The following LRRK2 variants were observed in gnomAD, a reference collection of about 807,000 sequenced individuals.
LRRK2 encodes leucine rich repeat kinase 2.
A neutral mutation model predicts 302.6 loss-of-function variants in LRRK2; 203 were observed. That is an observed-to-expected ratio of 0.67 (90% CI 0.60 to 0.75). The LOEUF (loss-of-function observed/expected upper bound fraction) is 0.75. LRRK2 is among the 30% of genes least tolerant of loss of function. The pLI, the probability that LRRK2 is intolerant of heterozygous loss-of-function variation, is 0.00. For missense variants in LRRK2, 2,830 were observed against 2,951.0 expected, an observed-to-expected ratio of 0.96 and a Z score of 0.95; for synonymous variants, 1,066 against 1,031.9, an observed-to-expected ratio of 1.03 and a Z score of -0.63.
intron 14 of LRRK2, among the ~76,000 whole-genome samples, chr12:40,264,240 T>C (rs1339280322): frequency 6.6e-6 from 1 of 152,174 alleles, no homozygotes; most frequent in Non-Finnish European, 1.5e-5. Flanking sequence ...ATGGCTGCTG[T>C]TTTCTCTTTC....
intron 46 of LRRK2, among the ~76,000 whole-genome samples, chr12:40,356,668 C>T (rs899650458): frequency 2.1e-4 from 32 of 152,248 alleles, no homozygotes; most frequent in African/African-American, 7.2e-4. Flanking sequence ...ACTTCCTACC[C>T]GTTCATTCTC....
Position 40,351,521 on chromosome 12 carries a change from A to G in LRRK2, c.6382-18A>G, listed in dbSNP as rs2136992768. On this transcript the variant is annotated intron_variant, in intron 43 of 50. Transcript: ENST00000298910. ...TTAACTCGATAAGTACTGTTTTGTT[A>G]TCTTTAAACTTTCTCAGGTCTTTGA... 1.2e-6 allele frequency: 2 copies of G among 1,612,286 alleles called. No homozygotes were observed. Among genetic ancestry groups the G allele is most frequent in the Non-Finnish European group, 1.7e-6 (2 of 1,178,528 alleles).
intron 16 of LRRK2, among the ~76,000 whole-genome samples, chr12:40,276,436 CA>C (rs1410249321): frequency 6.6e-6 from 1 of 152,112 alleles, no homozygotes; most frequent in Non-Finnish European, 1.5e-5. Context: ...GCTAGGACTA[CA>C]AGTATGCACC....
chr12:40,240,863 C>A (rs1483948567), intron 6 of LRRK2, among the ~76,000 whole-genome samples: 3 of 152,032 alleles, frequency 2.0e-5, no homozygotes, highest in African/African-American at 7.2e-5. Flanking sequence ...GCTTGTAGTA[C>A]AATGGGGGAC....
At chr12:40,284,478 A>T (rs1247916583) in intron 19 of LRRK2, among the ~76,000 whole-genome samples, 2 of 79,036 alleles carry the variant, frequency 2.5e-5, no homozygotes, top group African/African-American at 7.3e-5. Context: ...TTTATCTCTT[A>T]TAAGTAATTA....
chr12:40,341,500 A>G (rs544438900), intron 41 of LRRK2, among the ~76,000 whole-genome samples: 1 of 152,260 alleles, frequency 6.6e-6, no homozygotes, highest in South Asian at 2.1e-4. Context: ...ATTCTCATAA[A>G]CACTTCAAAG....
rs763437561 is a variant in LRRK2 at position 40,295,166 on chromosome 12, C to G, written c.2878+252C>G. 8.6e-5 allele frequency among the ~76,000 whole-genome samples: 13 copies of G among 151,818 alleles called. No homozygotes were observed. In the Middle Eastern group the frequency reaches 0.01, roughly 119 times the overall value. ...AAGTTTTCTGAAATGTAAATAACAC[C>G]TCCACCAAGGCCACTCTTCATCCTC... On this transcript the variant is annotated intron_variant, in intron 22 of 50. Coordinates refer to ENST00000298910, the MANE Select transcript of LRRK2 (RefSeq NM_198578.4).
chr12:40,237,887 T>TA, intron 4 of LRRK2, 82 bp from the exon 5 acceptor site: 1 of 1,449,162 alleles, frequency 6.9e-7, no homozygotes, highest in Non-Finnish European at 9.5e-7. Context: ...AGTCTTCATG[T>TA]AAAAATTAAT....
rs774148061 is a variant in LRRK2 at position 40,278,130 on chromosome 12, A to G, written c.2110A>G (p.Met704Val). 3 of 1,613,964 alleles carry G rather than the reference A, an allele frequency of 1.9e-6. No individual in the cohort carries two copies. The highest frequency in any genetic ancestry group is 1.1e-5 in the South Asian group (1 of 91,094). ...TTGCAAGTGTTTTGCAAAAGTAGCT[A>G]TGGATGATTACTTAAAAAATGTGAT... ...LCCKCFAKVA[M>V]DDYLKNVMLE... Residue 704 changes from methionine to valine, a missense_variant, in exon 18 of 51, where the codon ATG becomes GTG. Transcript: ENST00000298910.
rs201326926 is a variant in LRRK2, at chr12:40,278,112, T to C, written c.2092T>C (p.Cys698Arg). Residue 698 changes from cysteine to arginine, a missense_variant, in exon 18 of 51, where the codon TGT becomes CGT. Coordinates refer to ENST00000298910, the MANE Select transcript of LRRK2 (RefSeq NM_198578.4). ...DQQFLNLCCK[C>R]FAKVAMDDYL... is the part of the protein sequence containing the mutation. The stretch of plus-strand genomic sequence containing the variant: ...TTAGTTTCTAAACCTCTGTTGCAAG[T>C]GTTTTGCAAAAGTAGCTATGGATGA... 1.9e-6 allele frequency: 3 copies of C among 1,613,964 alleles called. No homozygotes were observed. The highest frequency in any genetic ancestry group is 1.3e-5 in the African/African-American group (1 of 74,922).
chr12:40,330,048 A>G (rs1043599119), intron 39 of LRRK2, among the ~76,000 whole-genome samples: 19 of 152,184 alleles, frequency 1.2e-4, no homozygotes, highest in African/African-American at 4.6e-4. Flanking sequence ...AACAGGAGAG[A>G]TGGATTTCTA....
At position 40,295,512 on chromosome 12, in the gene LRRK2, C is replaced by T; in HGVS notation, c.2964C>T (p.Asp988=). The T allele has an allele frequency of 6.2e-7, 1 of 1,613,916 alleles. No homozygotes were observed. The highest frequency in any genetic ancestry group is 8.5e-7 in the Non-Finnish European group (1 of 1,179,956). ...AGAGAGAATATATTACATCACTAGA[C>T]CTTTCAGCAAATGAACTAAGAGATA... ...ASEREYITSL[D]LSANELRDID... Residue 988 remains aspartate, a synonymous_variant, in exon 23 of 51, where the codon GAC becomes GAT. Coordinates refer to ENST00000298910, the MANE Select transcript of LRRK2 (RefSeq NM_198578.4).
Position 40,238,221 on chromosome 12 carries a change from A to T in LRRK2, c.571+118A>T, listed in dbSNP as rs1051493413. ...TCTAAAATCCTACTATTTATTAAGA[A>T]GTGGGAGTTGTCTGTCAAGGGTGAG... On this transcript the variant is annotated intron_variant, in intron 5 of 50. Coordinates refer to ENST00000298910, the MANE Select transcript of LRRK2 (RefSeq NM_198578.4). 3.8e-6 allele frequency: 4 copies of T among 1,048,632 alleles called. No homozygotes were observed. In the African/African-American group the frequency reaches 6.4e-5, roughly 17 times the overall value. 65.0% of individuals were successfully genotyped at this position (1,048,632 alleles called of 1,614,324 possible). A position where few individuals can be genotyped will look rare whatever the true frequency, so the allele number is the denominator to read the frequency against.
intron 18 of LRRK2, among the ~76,000 whole-genome samples, chr12:40,281,307 C>T (rs1299113814): frequency 3.9e-5 from 6 of 152,182 alleles, no homozygotes; most frequent in Admixed American, 2.6e-4. Context: ...TAAGAACAAG[C>T]TCCTGGTAAC....
At chr12:40,304,252 T>A in intron 27 of LRRK2, 118 bp downstream of exon 27, 1 of 928,034 alleles carries the variant, frequency 1.1e-6, no homozygotes, top group Non-Finnish European at 1.6e-6. Context: ...AGCTTCCTGT[T>A]AACTATAAAT....
At chr12:40,235,838 T>C (rs1311162109) in intron 4 of LRRK2, 124 bp downstream of exon 4, 6 of 646,806 alleles carry the variant, frequency 9.3e-6, no homozygotes, top group Non-Finnish European at 1.6e-5. Flanking sequence ...GGTAGCTTGA[T>C]TTAAATGTCC....
chr12:40,346,901 A>G lies in LRRK2; in HGVS notation c.6258A>G (p.Leu2086=). 1 of 1,611,896 alleles carries G rather than the reference A, an allele frequency of 6.2e-7. No homozygotes were observed. Among genetic ancestry groups the G allele is most frequent in the Non-Finnish European group, 8.5e-7 (1 of 1,179,436 alleles). The part of the protein sequence containing the change: ...GLKFPNEFDE[L]EIQGKLPDPV... ...AGTTTCCAAATGAGTTTGATGAATTAGAAATACAAGGAAAATTACCTGGTA... is the reference window on the plus strand; with the variant it reads ...AGTTTCCAAATGAGTTTGATGAATTGGAAATACAAGGAAAATTACCTGGTA... Residue 2086 remains leucine, a synonymous_variant, in exon 42 of 51, where the codon TTA becomes TTG. Transcript: ENST00000298910.
In LRRK2 at chr12:40,283,883, G is replaced by A; in HGVS notation, c.2250G>A (p.Glu750=). The stretch of plus-strand genomic sequence containing the variant: ...TTTTTTTTCTTTAATAGGTATGTGA[G>A]AAAGAGAGCAGTCCCAAATTGGTGG... ...EGSSLICQVC[E]KESSPKLVEL... Residue 750 remains glutamate, a synonymous_variant, in exon 19 of 51, where the codon GAG becomes GAA. Transcript: ENST00000298910. 6.2e-7 allele frequency: 1 copy of A among 1,612,402 alleles called. No homozygotes were observed. Among genetic ancestry groups the A allele is most frequent in the Non-Finnish European group, 8.5e-7 (1 of 1,178,976 alleles).
chr12:40,242,498 A>T (rs1388562149), intron 6 of LRRK2, among the ~76,000 whole-genome samples: 1 of 151,820 alleles, frequency 6.6e-6, no homozygotes, highest in Non-Finnish European at 1.5e-5. Flanking sequence ...ATATTTTAAT[A>T]TTATGCCTCC....
Sources: allele counts gnomAD v4.1 joint callset (sites outside exome capture counted in the v4.1 genomes callset), GRCh38; gene constraint gnomAD v4.1.1; transcripts MANE v1.5; gene names NCBI Gene and HGNC (gene_info 2026-07-23, HGNC 2026-07-21).